Variants in LPP observed in about 807,000 individuals in gnomAD.
The protein encoded by LPP is lipoma-preferred partner.
A neutral mutation model predicts 60.4 loss-of-function variants in LPP; 38 were observed. That is an observed-to-expected ratio of 0.63 (90% confidence interval 0.49 to 0.83). LPP has a LOEUF of 0.83. Ranked by LOEUF, LPP falls within the 40% of genes least tolerant of loss-of-function variation. The probability of loss-of-function intolerance (pLI) is 0.00; values close to 1 mark genes in which losing one functional copy is unlikely to be tolerated. For missense variants in LPP, 902 were observed against 783.6 expected, an observed-to-expected ratio of 1.15 and a Z score of -1.80; for synonymous variants, 328 against 290.8, an observed-to-expected ratio of 1.13 and a Z score of -1.30.
At position 188,866,269 on chromosome 3, in the gene LPP, G is replaced by A. The variant is rs1356025930; in HGVS notation, c.1480G>A (p.Ala494Thr). 7 of 1,590,066 alleles carry A rather than the reference G, an allele frequency of 4.4e-6. No individual in the cohort carries two copies. Among genetic ancestry groups the A allele is most frequent in the Non-Finnish European group, 6.0e-6 (7 of 1,167,352 alleles). The change falls in exon 10 of 12, where the codon GCC (alanine) becomes ACC (threonine). Residue 494 changes from alanine (A) to threonine (T), a missense_variant. Coordinates refer to ENST00000617246, the MANE Select transcript of LPP (RefSeq NM_001375462.1). ...MERILRATGK[A>T]YHPHCFTCVM... is the part of the protein sequence containing the mutation. ...GCGGATTCTCCGAGCCACCGGGAAG[G>A]CCTATCATCCTCACTGTTTCACCTG... is the stretch of plus-strand genomic sequence containing the variant.
chr3:188,421,277 A>G (rs1385823595), intron 4 of LPP, among the ~76,000 whole-genome samples: 1 of 152,134 alleles, frequency 6.6e-6, no homozygotes, highest in Admixed American at 6.6e-5. Context: ...TTGAATGATG[A>G]TTCATCAGTG....
At chr3:188,545,332 GT>G (rs1271051855) in intron 6 of LPP, among the ~76,000 whole-genome samples, 1 of 151,244 alleles carries the variant, frequency 6.6e-6, no homozygotes, top group Non-Finnish European at 1.5e-5. Flanking sequence ...AGTAAGCTTT[GT>G]TTAAATTATT....
At chr3:188,197,059 G>A (rs1729741643) in intron 1 of LPP, among the ~76,000 whole-genome samples, 1 of 152,214 alleles carries the variant, frequency 6.6e-6, no homozygotes, top group South Asian at 2.1e-4. Flanking sequence ...AAAAATAGGT[G>A]TGCAAGTGAT....
At chr3:188,378,433 T>C (rs1390491332) in intron 3 of LPP, among the ~76,000 whole-genome samples, 1 of 152,128 alleles carries the variant, frequency 6.6e-6, no homozygotes, top group South Asian at 2.1e-4. Flanking sequence ...TCCCCCAGCC[T>C]CACTGCCGCC....
chr3:188,482,680 T>C (rs1175600176), intron 4 of LPP, among the ~76,000 whole-genome samples: 1 of 152,220 alleles, frequency 6.6e-6, no homozygotes, highest in African/African-American at 2.4e-5. Context: ...AACCAATGTT[T>C]AAAACTACTG....
chr3:188,611,761 G>A (rs1843759791), intron 7 of LPP, among the ~76,000 whole-genome samples: 1 of 152,200 alleles, frequency 6.6e-6, no homozygotes, highest in Non-Finnish European at 1.5e-5. Context: ...CACCTGGTGA[G>A]AGGTACTGAG....
rs144398154 is a variant in LPP, at chr3:188,844,969, C to T, written c.1411-21231C>T. 2.0e-3 allele frequency among the ~76,000 whole-genome samples: 299 copies of T among 152,292 alleles called. 2 individuals carry two copies. Among genetic ancestry groups the T allele is most frequent in the African/African-American group, 6.7e-3 (279 of 41,562 alleles). On this transcript the variant is annotated intron_variant, in intron 9 of 11. Transcript: ENST00000617246. ...CCTTCATTAGGAGTTGTCATTTCTG[C>T]GGCTTCTCATTAGAACATCAAAATT...
intron 3 of LPP, among the ~76,000 whole-genome samples, chr3:188,371,523 T>A (rs1464659697): frequency 6.8e-6 from 1 of 146,998 alleles, no homozygotes; most frequent in Non-Finnish European, 1.5e-5. Context: ...GTTTCAGGTC[T>A]AGGGAAGAAA....
chr3:188,217,625 A>G lies in LPP; in HGVS notation c.-189-7780A>G, dbSNP rs1714153119. ...TGGGCAGGAGAGGTAAGTTTGGGGCATGTTTGGGAGTGATCGTCTATAGGA... is the reference window on the plus strand; with the variant it reads ...TGGGCAGGAGAGGTAAGTTTGGGGCGTGTTTGGGAGTGATCGTCTATAGGA... On this transcript the variant is annotated intron_variant, in intron 1 of 11. Coordinates refer to ENST00000617246, the MANE Select transcript of LPP (RefSeq NM_001375462.1). The surrounding 1 kb of genome is among the most constrained non-coding windows in gnomAD (Gnocchi z 4.0). Among the ~76,000 whole-genome samples, 1 of 152,104 alleles carries G rather than the reference A, an allele frequency of 6.6e-6. No individual in the cohort carries two copies. The highest frequency in any genetic ancestry group is 6.6e-5 in the Admixed American group (1 of 15,256).
intron 8 of LPP, chr3:188,712,125 C>CTT (rs1711778364): frequency 1.3e-5 from 2 of 152,206 alleles, no homozygotes; most frequent in African/African-American, 4.8e-5. Flanking sequence ...ATAATGAGCC[C>CTT]TTGCACATTG....
intron 8 of LPP, among the ~76,000 whole-genome samples, chr3:188,748,053 G>A (rs1477080146): frequency 6.6e-6 from 1 of 152,096 alleles, no homozygotes; most frequent in East Asian, 1.9e-4. Flanking sequence ...GATTTTGCAT[G>A]GAAATTTTTT....
intron 5 of LPP, among the ~76,000 whole-genome samples, chr3:188,510,438 C>T (rs79107287): frequency 1.3e-5 from 2 of 152,132 alleles, no homozygotes; most frequent in African/African-American, 4.8e-5. Context: ...AACCTTTTTC[C>T]TAAAAATAGG....
At chr3:188,494,958 T>C (rs1809500092) in intron 5 of LPP, among the ~76,000 whole-genome samples, 1 of 149,582 alleles carries the variant, frequency 6.7e-6, no homozygotes, top group African/African-American at 2.5e-5. Context: ...GGCTAGCAGG[T>C]CTCTGTGCTG....
At position 188,760,297 on chromosome 3, in the gene LPP, T is replaced by C. The variant is rs1178281067; in HGVS notation, c.1410+15T>C. 16 of 1,613,968 alleles carry C rather than the reference T, an allele frequency of 9.9e-6. No individual in the cohort carries two copies. Among genetic ancestry groups the C allele is most frequent in the Non-Finnish European group, 1.4e-5 (16 of 1,179,922 alleles). ...CCTGCTACATTGTAAGTTCCAGATT[T>C]GTTCCTCAAGCACTTTGCAAAGATG... On this transcript the variant is annotated intron_variant, in intron 9 of 11. Coordinates refer to ENST00000617246, the MANE Select transcript of LPP (RefSeq NM_001375462.1).
intron 7 of LPP, among the ~76,000 whole-genome samples, chr3:188,618,864 G>A (rs556955595): frequency 6.6e-6 from 1 of 152,178 alleles, no homozygotes; most frequent in Non-Finnish European, 1.5e-5. Context: ...AAAACAAGAA[G>A]GATAAGGTGT....
intron 1 of LPP, among the ~76,000 whole-genome samples, chr3:188,201,783 A>C (rs1441880901): frequency 1.3e-5 from 2 of 152,096 alleles, no homozygotes; most frequent in African/African-American, 4.8e-5. Context: ...ATTGGCATTT[A>C]GTGGTTGGGG....
At chr3:188,241,463 T>C (rs1243728337) in intron 2 of LPP, among the ~76,000 whole-genome samples, 2 of 152,286 alleles carry the variant, frequency 1.3e-5, no homozygotes, top group African/African-American at 4.8e-5. Flanking sequence ...ATCTTTCCCT[T>C]TGGGGGAGAA....
At chr3:188,425,543 C>G (rs1307278581) in intron 4 of LPP, among the ~76,000 whole-genome samples, 9 of 152,054 alleles carry the variant, frequency 5.9e-5, no homozygotes, top group Non-Finnish European at 1.3e-4. Context: ...CTCTTTGTAC[C>G]TCTCTTAGAA....
intron 2 of LPP, among the ~76,000 whole-genome samples, chr3:188,340,418 A>G (rs1578196161): frequency 1.4e-5 from 1 of 71,660 alleles, no homozygotes; most frequent in African/African-American, 5.9e-5. Flanking sequence ...TTTTTTTTTG[A>G]AACTTTTATT....
Sources: allele counts gnomAD v4.1 joint callset (sites outside exome capture counted in the v4.1 genomes callset), GRCh38; gene constraint gnomAD v4.1.1; non-coding constraint Gnocchi (gnomAD v3.1); transcripts MANE v1.5; gene names NCBI Gene and HGNC (gene_info 2026-07-23, HGNC 2026-07-21).